NHLH2: variants seen among roughly 807,000 people sequenced by gnomAD.
NHLH2 encodes helix-loop-helix protein 2.
Under a neutral mutation model 7.3 loss-of-function variants are expected in NHLH2, and 7 were observed. The observed-to-expected ratio is 0.96, with a 90% CI of 0.55 to 1.81. NHLH2 has a LOEUF of 1.81. Among genes scored for constraint, NHLH2 ranks in the 40% most tolerant of loss-of-function variants. NHLH2 has a pLI of 0.00. For missense variants in NHLH2, 155 were observed against 194.0 expected (o/e 0.80, Z 1.19); for synonymous variants, 93 against 91.6 (o/e 1.01, Z -0.09).
At chr1:115,838,622 C>T in intron 2 of NHLH2, 1 of 435,994 alleles carries the variant, frequency 2.3e-6, no homozygotes, top group South Asian at 5.2e-5. Flanking sequence ...GCATACTAGA[C>T]TGGACACCTC....
Position 115,840,235 on chromosome 1 carries a change from T to C in NHLH2, c.-28A>G, listed in dbSNP as rs1211373075. The stretch of plus-strand genomic sequence containing the variant: ...TCTTACCTTGCAAAAGCCTTTTTGA[T>C]AATCTGTTCTCCAATCTTTAGAGTT... On this transcript the variant is annotated 5_prime_UTR_variant, in exon 2 of 3. Coordinates refer to ENST00000320238, the MANE Select transcript of NHLH2 (RefSeq NM_005599.3). 1 of 167,224 alleles carries C rather than the reference T, an allele frequency of 6.0e-6. No individual in the cohort carries two copies. The highest frequency in any genetic ancestry group is 2.1e-4 in the South Asian group (1 of 4,826). The allele number at this position is 167,224 out of a possible 1,614,324, so 10.4% of individuals were successfully genotyped here. A position where few individuals can be genotyped will look rare whatever the true frequency, so the allele number is the denominator to read the frequency against.
At chr1:115,835,420 A>AC (rs765155402), downstream of NHLH2, among the ~76,000 whole-genome samples, 2 of 152,210 alleles carry the variant, frequency 1.3e-5, no homozygotes, top group East Asian at 1.9e-4. Flanking sequence ...TCACAGAGTA[A>AC]CCAGTCATTG....
At chr1:115,838,663 C>T in intron 2 of NHLH2, 3 of 381,646 alleles carry the variant, frequency 7.9e-6, no homozygotes, top group Non-Finnish European at 1.4e-5. Context: ...GGGCCTGTGG[C>T]CCTGGGCCTG....
chr1:115,835,171 T>C (rs868750326), downstream of NHLH2, among the ~76,000 whole-genome samples: 2 of 152,188 alleles, frequency 1.3e-5, no homozygotes, highest in African/African-American at 2.4e-5. Flanking sequence ...TATCAGTAGG[T>C]TCCTCCTACA....
chr1:115,833,093 C>T (rs916105289), downstream of NHLH2, among the ~76,000 whole-genome samples: 1 of 152,096 alleles, frequency 6.6e-6, no homozygotes, highest in African/African-American at 2.4e-5. Flanking sequence ...AATGGACATT[C>T]ACGAAGGAGG....
chr1:115,831,876 T>G (rs1650760741), downstream of NHLH2, among the ~76,000 whole-genome samples: 1 of 150,776 alleles, frequency 6.6e-6, no homozygotes, highest in Non-Finnish European at 1.5e-5. Context: ...GAGCCAAGAT[T>G]GCGCCACTGC....
rs1042265048 is a variant in NHLH2 at position 115,837,067 on chromosome 1, G to A, written c.*898C>T. On this transcript the variant is annotated 3_prime_UTR_variant, in exon 3 of 3. Transcript: ENST00000320238. ...ACTTGACTATAAATAAATTGGCACA[G>A]AGTATCCAAAGTAAAAGTATCACCA... The A allele has an allele frequency of 6.6e-6, 1 of 152,372 alleles. No homozygotes were observed. The highest frequency in any genetic ancestry group is 1.5e-5 in the Non-Finnish European group (1 of 68,008). 9.4% of individuals were successfully genotyped at this position (152,372 alleles called of 1,614,324 possible).
downstream of NHLH2, among the ~76,000 whole-genome samples, chr1:115,833,486 GT>G (rs374049371): frequency 6.2e-4 from 95 of 152,170 alleles, no homozygotes; most frequent in East Asian, 0.014. Context: ...ACCAAGGGGG[GT>G]GGTGTGTGAG....
rs1445801959 is a variant in NHLH2 at position 115,838,379 on chromosome 1, G to A, written c.-7C>T. On this transcript the variant is annotated splice_region_variant and 5_prime_UTR_variant, in exon 3 of 3. Transcript: ENST00000320238. ...GGTCCGGACTCAGCATCATTTTGGAGGCTGAGGAGGGGTCGGAAAATTAAT... is the reference window on the plus strand; with the variant it reads ...GGTCCGGACTCAGCATCATTTTGGAAGCTGAGGAGGGGTCGGAAAATTAAT... 6.2e-7 allele frequency: 1 copy of A among 1,608,344 alleles called. No homozygotes were observed. The highest frequency in any genetic ancestry group is 1.3e-5 in the African/African-American group (1 of 74,386).
Sources: gnomAD v4.1 joint callset for allele counts (sites outside exome capture counted in the v4.1 genomes callset) on GRCh38, gnomAD v4.1.1 for gene constraint, MANE v1.5 for transcripts, NCBI Gene and HGNC (gene_info 2026-07-23, HGNC 2026-07-21) for gene names.